UGT1A6: variants seen among roughly 807,000 people sequenced by gnomAD.
UGT1A6 encodes UDP glucuronosyltransferase family 1 member A6, also known as UDP-glucuronosyltransferase 1A6.
A neutral mutation model predicts 44.4 loss-of-function variants in UGT1A6; 32 were observed. The observed-to-expected ratio is 0.72, with a 90% CI of 0.54 to 0.97. The LOEUF (loss-of-function observed/expected upper bound fraction) is 0.97, where lower values mean the gene tolerates loss of function less well. Ranked by LOEUF, UGT1A6 falls within the 50% of genes least tolerant of loss-of-function variation. The pLI, the probability that UGT1A6 is intolerant of heterozygous loss-of-function variation, is 0.00. For synonymous variants in UGT1A6, 238 were observed against 248.5 expected, an observed-to-expected ratio of 0.96 and a Z score of 0.40; for missense variants, 685 against 661.9, an observed-to-expected ratio of 1.03 and a Z score of -0.38.
chr2:233,765,956 G>A (rs1699007626), intron 1 of UGT1A6, among the ~76,000 whole-genome samples: 1 of 152,142 alleles, frequency 6.6e-6, no homozygotes, highest in African/African-American at 2.4e-5. Flanking sequence ...CTCACCGGCA[G>A]TGTCTAGAGG....
intron 1 of UGT1A6, chr2:233,747,485 C>T: frequency 6.2e-7 from 1 of 1,608,768 alleles, no homozygotes; most frequent in Non-Finnish European, 8.5e-7. Flanking sequence ...AATTTGATCG[C>T]CTTGTGCTGG....
At chr2:233,756,964 A>G (rs1482766015) in intron 1 of UGT1A6, among the ~76,000 whole-genome samples, 2 of 152,056 alleles carry the variant, frequency 1.3e-5, no homozygotes, top group African/African-American at 4.8e-5. Context: ...GGCACTTGGT[A>G]AGCACGCAAT....
Position 233,693,702 on chromosome 2 carries a change from C to T in UGT1A6, c.698C>T (p.Ala233Val). The stretch of plus-strand genomic sequence containing the variant: ...CTGTTTTCAAAGTATGAAGAACTCG[C>T]ATCAGCTGTCCTCAAGAGAGATGTG... Reference protein sequence around the residue: ...YCLFSKYEELASAVLKRDVDI... With the variant: ...YCLFSKYEELVSAVLKRDVDI... The change falls in exon 1 of 5, where the codon GCA (alanine) becomes GTA (valine). Residue 233 changes from alanine (A) to valine (V), a missense_variant. By Grantham distance (64) the Ala-to-Val change is moderately conservative. Coordinates refer to ENST00000305139, the MANE Select transcript of UGT1A6 (RefSeq NM_001072.4). The T allele has an allele frequency of 6.2e-7, 1 of 1,614,214 alleles. No homozygotes were observed. Among genetic ancestry groups the T allele is most frequent in the Middle Eastern group, 1.6e-4 (1 of 6,062 alleles).
At chr2:233,713,660 T>G (rs1362794385) in intron 1 of UGT1A6, 3 of 1,613,860 alleles carry the variant, frequency 1.9e-6, no homozygotes, top group Non-Finnish European at 2.5e-6. Context: ...TGTCCTACCT[T>G]TGCCATGCTG....
chr2:233,695,661 G>A (rs1257183826), intron 1 of UGT1A6, among the ~76,000 whole-genome samples: 1 of 151,638 alleles, frequency 6.6e-6, no homozygotes, highest in Non-Finnish European at 1.5e-5. Context: ...ATATAAATGA[G>A]AACATGTGGT....
rs182452303 is a variant in UGT1A6, at chr2:233,698,543, T to C, written c.861+4678T>C. On this transcript the variant is annotated intron_variant, in intron 1 of 4. Coordinates refer to ENST00000305139, the MANE Select transcript of UGT1A6 (RefSeq NM_001072.4). ...ATACATAAAGTAAACAGAACACGAG[T>C]GGCCAACAAAACTTTAAGAACATGT... Among the ~76,000 whole-genome samples the C allele has an allele frequency of 5.0e-4, 76 of 152,258 alleles. 2 individuals carry two copies. Among genetic ancestry groups the C allele is most frequent in the Admixed American group, 4.9e-3 (75 of 15,286 alleles).
At chr2:233,748,890 T>C (rs1434847115) in intron 1 of UGT1A6, among the ~76,000 whole-genome samples, 1 of 151,534 alleles carries the variant, frequency 6.6e-6, no homozygotes, top group African/African-American at 2.4e-5. Flanking sequence ...TGGACATGTG[T>C]CCAAGAAGGG....
intron 1 of UGT1A6, chr2:233,756,069 T>C (rs991797292): frequency 4.6e-5 from 7 of 152,198 alleles, no homozygotes; most frequent in African/African-American, 7.2e-5. Context: ...TGTGGGAGAA[T>C]GACAATGAGA....
At chr2:233,755,269 T>C in intron 1 of UGT1A6, 1 of 759,984 alleles carries the variant, frequency 1.3e-6, no homozygotes, top group East Asian at 5.3e-5. Context: ...TAGTCCACTA[T>C]GCTGGACTGC....
intron 1 of UGT1A6, among the ~76,000 whole-genome samples, chr2:233,715,856 G>A (rs1421032184): frequency 2.6e-5 from 4 of 152,126 alleles, no homozygotes; most frequent in Non-Finnish European, 5.9e-5. Context: ...TGAAAAGCTG[G>A]GTGCAGTAGC....
intron 1 of UGT1A6, among the ~76,000 whole-genome samples, chr2:233,715,004 G>T (rs1008928974): frequency 2.6e-5 from 4 of 152,136 alleles, no homozygotes; most frequent in African/African-American, 4.8e-5. Context: ...AGCCTCCCAA[G>T]TAGCTGGAAC....
rs369861347 is a variant in UGT1A6 at position 233,704,965 on chromosome 2, A to G, written c.861+11100A>G. On this transcript the variant is annotated intron_variant, in intron 1 of 4. Coordinates refer to ENST00000305139, the MANE Select transcript of UGT1A6 (RefSeq NM_001072.4). ...AGCCTGGCCAACATGGTGAAACCCC[A>G]TCTCTACTTAAAATACAGAAATTAG... Among the ~76,000 whole-genome samples the G allele has an allele frequency of 7.9e-5, 12 of 152,064 alleles. 1 individual carries two copies. In the East Asian group the frequency reaches 1.2e-3, roughly 15 times the overall value.
chr2:233,729,640 T>C, intron 1 of UGT1A6: 1 of 1,613,966 alleles, frequency 6.2e-7, no homozygotes, highest in East Asian at 2.2e-5. Flanking sequence ...TACTGTGTTT[T>C]TTTTGAGGAA....
intron 1 of UGT1A6, chr2:233,743,992 A>G: frequency 1.6e-6 from 2 of 1,255,210 alleles, no homozygotes; most frequent in South Asian, 1.3e-5. Context: ...CGCAGGCCCG[A>G]GTGCTCGGAG....
At chr2:233,766,090 G>A (rs1699047199) in intron 1 of UGT1A6, among the ~76,000 whole-genome samples, 1 of 152,166 alleles carries the variant, frequency 6.6e-6, no homozygotes, top group Admixed American at 6.5e-5. Flanking sequence ...CAAGGACAGA[G>A]GGCTTTCTGT....
chr2:233,747,228 C>T (rs1559391943), intron 1 of UGT1A6: 2 of 1,605,178 alleles, frequency 1.2e-6, no homozygotes, highest in East Asian at 2.2e-5. Context: ...CCACAGGACC[C>T]CAGGTTCCCC....
chr2:233,700,898 G>C (rs534436227), intron 1 of UGT1A6, among the ~76,000 whole-genome samples: 31 of 151,956 alleles, frequency 2.0e-4, no homozygotes, highest in Middle Eastern at 3.4e-3. Context: ...ACAGTCCCCG[G>C]TGTGTGACGT....
At chr2:233,724,824 G>A (rs1386605275) in intron 1 of UGT1A6, among the ~76,000 whole-genome samples, 24 of 135,740 alleles carry the variant, frequency 1.8e-4, no homozygotes, top group African/African-American at 7.1e-4. Context: ...TGCAATCTCG[G>A]CACTTTGGGA....
Position 233,772,326 on chromosome 2 carries a change from C to T in UGT1A6, c.1366C>T (p.Leu456=), listed in dbSNP as rs767264478. The stretch of plus-strand genomic sequence containing the variant: ...GGACCGCCCGGTGGAGCCGCTGGAC[C>T]TGGCCGTGTTCTGGGTGGAGTTTGT... ...HKDRPVEPLD[L]AVFWVEFVMR... The change falls in exon 5 of 5, where the codon CTG becomes TTG. Residue 456 remains leucine, a synonymous_variant. Coordinates refer to ENST00000305139, the MANE Select transcript of UGT1A6 (RefSeq NM_001072.4). 1 of 1,614,166 alleles carries T rather than the reference C, an allele frequency of 6.2e-7. No homozygotes were observed. The highest frequency in any genetic ancestry group is 2.2e-5 in the East Asian group (1 of 44,878).
Sources: gnomAD v4.1 joint callset for allele counts (sites outside exome capture counted in the v4.1 genomes callset) on GRCh38, gnomAD v4.1.1 for gene constraint, MANE v1.5 for transcripts, NCBI Gene and HGNC (gene_info 2026-07-23, HGNC 2026-07-21) for gene names.